Variants in DOCK1 observed in about 807,000 individuals in gnomAD.
DOCK1 encodes dedicator of cytokinesis 1.
In DOCK1, 138 loss-of-function variants were observed where a neutral mutation model predicts 262.7. That is an observed-to-expected ratio of 0.53 (90% CI 0.46 to 0.61). DOCK1 has a LOEUF of 0.61. DOCK1 is among the 20% of genes least tolerant of loss of function. The pLI is 0.00. For missense variants in DOCK1, 1,908 were observed against 2,370.7 expected (o/e 0.80, Z 4.05); for synonymous variants, 866 against 867.4 (o/e 1.00, Z 0.03).
At chr10:127,328,048 A>T (rs965614522) in intron 29 of DOCK1, among the ~76,000 whole-genome samples, 2 of 150,232 alleles carry the variant, frequency 1.3e-5, no homozygotes, top group Non-Finnish European at 3.0e-5. Context: ...GCCAAGCACC[A>T]GTGAGAATGG....
chr10:127,362,929 G>A (rs375539719), intron 33 of DOCK1, among the ~76,000 whole-genome samples: 532 of 3,794 alleles, frequency 0.14, 1 homozygote, highest in Admixed American at 0.2. Flanking sequence ...ATATACACAT[G>A]CACATCCCCC....
At chr10:127,442,274 C>T (rs570724042) in intron 49 of DOCK1, among the ~76,000 whole-genome samples, 1 of 152,272 alleles carries the variant, frequency 6.6e-6, no homozygotes, top group South Asian at 2.1e-4. Flanking sequence ...CCTCCTGGGG[C>T]AGACATTGAA....
chr10:127,164,095 G>T (rs2053845135), intron 27 of DOCK1, among the ~76,000 whole-genome samples: 1 of 150,814 alleles, frequency 6.6e-6, no homozygotes, highest in African/African-American at 2.4e-5. Context: ...GGGACGCAGG[G>T]GTCAGCCGGG....
intron 25 of DOCK1, among the ~76,000 whole-genome samples, chr10:127,117,381 CTT>C (rs1486099655): frequency 6.6e-6 from 1 of 152,290 alleles, no homozygotes; most frequent in East Asian, 1.9e-4. Context: ...TCAGCCCACT[CTT>C]TTCTTAAACT....
intron 38 of DOCK1, among the ~76,000 whole-genome samples, chr10:127,392,932 C>G (rs755437322): frequency 6.6e-6 from 1 of 152,154 alleles, no homozygotes; most frequent in Non-Finnish European, 1.5e-5. Flanking sequence ...ATTTTCCTGT[C>G]TAGAATCTTG....
At chr10:127,274,284 G>A (rs943169196) in intron 29 of DOCK1, among the ~76,000 whole-genome samples, 7 of 152,164 alleles carry the variant, frequency 4.6e-5, no homozygotes, top group African/African-American at 1.7e-4. Context: ...AGACTTTTGG[G>A]TGAAGAGGGA....
chr10:126,941,364 GA>G (rs1337466586), intron 1 of DOCK1, among the ~76,000 whole-genome samples: 1 of 151,792 alleles, frequency 6.6e-6, no homozygotes, highest in East Asian at 1.9e-4. Context: ...AAATTCTGAT[GA>G]AATATTTCAT....
chr10:127,283,221 C>T (rs920951043), intron 29 of DOCK1, among the ~76,000 whole-genome samples: 3 of 152,228 alleles, frequency 2.0e-5, no homozygotes, highest in Non-Finnish European at 4.4e-5. Context: ...CACCCTCACT[C>T]TTGGATGGGA....
chr10:126,964,984 T>C (rs2037552921), intron 1 of DOCK1, among the ~76,000 whole-genome samples: 1 of 152,244 alleles, frequency 6.6e-6, no homozygotes, highest in Admixed American at 6.5e-5. Context: ...ATTCAGTGCA[T>C]TTTTATTGAG....
At chr10:127,150,695 A>G (rs758246730) in intron 27 of DOCK1, among the ~76,000 whole-genome samples, 11 of 152,244 alleles carry the variant, frequency 7.2e-5, no homozygotes, top group African/African-American at 2.4e-4. Context: ...CATGCAAACC[A>G]CTGAGGCATG....
rs756484607 is a variant in DOCK1 at position 127,000,241 on chromosome 10, A to G, written c.919A>G (p.Met307Val). The stretch of plus-strand genomic sequence containing the variant: ...CTGTCAGATTGTTCGCGTGGGTCGC[A>G]TGGAGCTGAGGGACAACAACACCAG... The part of the protein sequence containing the change: ...FVCQIVRVGR[M>V]ELRDNNTRKL... Residue 307 changes from methionine (M) to valine (V), a missense_variant, in exon 10 of 52, where the codon ATG (methionine) becomes GTG (valine). Met to Val is a conservative substitution (Grantham distance 21). Around this residue, in one of 9 missense-constraint regions of DOCK1, gnomAD observed 102 missense variants for 154.9 expected, o/e 0.66. Transcript: ENST00000623213. The G allele has an allele frequency of 1.9e-6, 3 of 1,614,058 alleles. No individual in the cohort carries two copies. Among genetic ancestry groups the G allele is most frequent in the Non-Finnish European group, 2.5e-6 (3 of 1,179,902 alleles).
chr10:127,373,221 A>G (rs1181171502), intron 33 of DOCK1, among the ~76,000 whole-genome samples: 1 of 152,016 alleles, frequency 6.6e-6, no homozygotes, highest in Non-Finnish European at 1.5e-5. Context: ...CTGGAGATGG[A>G]CCTTCTTGAG....
At chr10:127,167,818 C>A (rs1046891377) in intron 27 of DOCK1, among the ~76,000 whole-genome samples, 1 of 151,952 alleles carries the variant, frequency 6.6e-6, no homozygotes, top group African/African-American at 2.4e-5. Flanking sequence ...CACCACCACC[C>A]CCCATCCCCA....
chr10:127,027,060 T>A (rs1832211117), intron 16 of DOCK1, among the ~76,000 whole-genome samples: 1 of 152,236 alleles, frequency 6.6e-6, no homozygotes, highest in Non-Finnish European at 1.5e-5. Flanking sequence ...TTTCAGGGTG[T>A]GTGTCTCTTT....
chr10:126,957,760 G>A (rs1246970969), intron 1 of DOCK1, among the ~76,000 whole-genome samples: 2 of 152,172 alleles, frequency 1.3e-5, no homozygotes, highest in Non-Finnish European at 2.9e-5. Context: ...TTTTACAGGT[G>A]TGAGCCACTG....
intron 27 of DOCK1, chr10:127,136,754 T>TGTA (rs1263435801): frequency 4.6e-5 from 7 of 152,672 alleles, no homozygotes; most frequent in African/African-American, 1.7e-4. Flanking sequence ...AACTTACTAA[T>TGTA]AGGTTAAATG....
At chr10:127,008,840 T>G in intron 11 of DOCK1, 36 bp downstream of exon 11, 1 of 1,517,950 alleles carries the variant, frequency 6.6e-7, no homozygotes, top group Non-Finnish European at 9.0e-7. Context: ...TAGCCAGATA[T>G]AATGTGGAAA....
chr10:126,920,534 T>G (rs554666282), intron 1 of DOCK1, among the ~76,000 whole-genome samples: 1 of 152,296 alleles, frequency 6.6e-6, no homozygotes, highest in South Asian at 2.1e-4. Context: ...AATGCAGTAA[T>G]GAAAAGCCAA....
intron 18 of DOCK1, among the ~76,000 whole-genome samples, chr10:127,033,584 C>T (rs566760367): frequency 2.0e-4 from 31 of 152,188 alleles, no homozygotes; most frequent in African/African-American, 6.3e-4. Context: ...CTTAACTGCC[C>T]GATACAGATT....
Sources: allele counts gnomAD v4.1 joint callset (sites outside exome capture counted in the v4.1 genomes callset), GRCh38; gene constraint gnomAD v4.1.1; regional missense constraint gnomAD v4.1.1; transcripts MANE v1.5; gene names NCBI Gene and HGNC (gene_info 2026-07-23, HGNC 2026-07-21).